BCKDHB: variants seen among roughly 807,000 people sequenced by gnomAD.
The protein encoded by BCKDHB is 2-oxoisovalerate dehydrogenase subunit beta, mitochondrial.
Under a neutral mutation model 48.5 loss-of-function variants are expected in BCKDHB, and 41 were observed. That is an observed-to-expected ratio of 0.85 (90% CI 0.66 to 1.10). The LOEUF is 1.10. Ranked by LOEUF, BCKDHB falls within the 50% of genes least tolerant of loss-of-function variation. The pLI is 0.00. For missense variants in BCKDHB, 496 were observed against 494.2 expected (o/e 1.00, Z -0.03); for synonymous variants, 201 against 174.8 (o/e 1.15, Z -1.18).
intron 8 of BCKDHB, among the ~76,000 whole-genome samples, chr6:80,229,440 A>G (rs1316899004): frequency 2.6e-5 from 4 of 152,278 alleles, no homozygotes; most frequent in African/African-American, 9.6e-5. Flanking sequence ...TGTTTGTCCT[A>G]TTGGAGGAAC....
At chr6:80,232,762 G>T (rs1337709605) in intron 8 of BCKDHB, among the ~76,000 whole-genome samples, 2 of 35,198 alleles carry the variant, frequency 5.7e-5, no homozygotes, top group African/African-American at 1.3e-4. Flanking sequence ...ATATGTTATA[G>T]ATATAACATC....
intron 3 of BCKDHB, among the ~76,000 whole-genome samples, chr6:80,148,315 T>C (rs1251624543): frequency 1.3e-5 from 2 of 152,164 alleles, no homozygotes; most frequent in Non-Finnish European, 2.9e-5. Context: ...GTGAAAGTCA[T>C]CCTTCTGCAT....
chr6:80,463,626 C>T, the BCKDHB span, among the ~76,000 whole-genome samples: 1 of 151,848 alleles, frequency 6.6e-6, no homozygotes, highest in African/African-American at 2.4e-5. Context: ...TCTGGGATTT[C>T]TTAGCCCTTG....
chr6:80,406,010 G>A, the BCKDHB span, among the ~76,000 whole-genome samples: 1 of 151,946 alleles, frequency 6.6e-6, no homozygotes, highest in East Asian at 1.9e-4. Context: ...AGGGTGTGAT[G>A]TTCCCTGCCT....
At position 80,184,669 on chromosome 6, in the gene BCKDHB, G is replaced by C. The variant is rs140856569; in HGVS notation, c.742+13279G>C. Among the ~76,000 whole-genome samples, 265 of 152,234 alleles carry C rather than the reference G, an allele frequency of 1.7e-3. 1 individual carries two copies. The highest frequency in any genetic ancestry group is 6.0e-3 in the African/African-American group (251 of 41,546). ...TTTCAGCATTTGTTTATCTGAAAAA[G>C]ACTTTATCTCTCCTCTATTTATGAA... On this transcript the variant is annotated intron_variant, in intron 6 of 9. Transcript: ENST00000320393.
chr6:80,298,682 G>A (rs114178707), intron 9 of BCKDHB, among the ~76,000 whole-genome samples: 2,331 of 152,268 alleles, frequency 0.015, 81 homozygotes, highest in African/African-American at 0.053. Context: ...TTCTCAATGT[G>A]TGGTCTCTGG....
chr6:80,348,359 C>G (rs929305880), downstream of BCKDHB, among the ~76,000 whole-genome samples: 2 of 152,156 alleles, frequency 1.3e-5, no homozygotes, highest in African/African-American at 4.8e-5. Context: ...TTCTCATCAG[C>G]TTGCCTAGAG....
intron 8 of BCKDHB, among the ~76,000 whole-genome samples, chr6:80,262,928 AT>A (rs1777365183): frequency 2.0e-5 from 3 of 152,206 alleles, no homozygotes; most frequent in Admixed American, 2.0e-4. Context: ...CAATGAAAGC[AT>A]TGCAGAATAA....
At chr6:80,423,536 C>T in the BCKDHB span, among the ~76,000 whole-genome samples, 3 of 152,156 alleles carry the variant, frequency 2.0e-5, no homozygotes, top group Admixed American at 6.5e-5. Context: ...TTGGTGGAAC[C>T]ATTTGGGTTA....
At chr6:80,119,632 A>T (rs920549521) in intron 1 of BCKDHB, among the ~76,000 whole-genome samples, 10 of 152,172 alleles carry the variant, frequency 6.6e-5, no homozygotes, top group Non-Finnish European at 1.0e-4. Flanking sequence ...CAATGTTGAC[A>T]TTTTGAAATT....
intron 1 of BCKDHB, among the ~76,000 whole-genome samples, chr6:80,121,920 G>A (rs1425454137): frequency 6.6e-6 from 1 of 152,176 alleles, no homozygotes; most frequent in Admixed American, 6.5e-5. Flanking sequence ...GGGCATCCTT[G>A]TCTCGTGCCA....
chr6:80,286,335 A>G (rs527469492), intron 9 of BCKDHB, among the ~76,000 whole-genome samples: 5 of 152,336 alleles, frequency 3.3e-5, no homozygotes, highest in Admixed American at 2.6e-4. Context: ...TGGTTAGGCT[A>G]TTTGAAGAGA....
At chr6:80,316,526 A>G (rs1411845153) in intron 9 of BCKDHB, among the ~76,000 whole-genome samples, 3 of 152,212 alleles carry the variant, frequency 2.0e-5, no homozygotes, top group Non-Finnish European at 4.4e-5. Context: ...TAACAATATT[A>G]GCAAATATGT....
intron 3 of BCKDHB, among the ~76,000 whole-genome samples, chr6:80,149,503 T>A (rs1763633963): frequency 6.6e-6 from 1 of 151,914 alleles, no homozygotes; most frequent in African/African-American, 2.4e-5. Flanking sequence ...CATGCTGCTA[T>A]AAAGACACAT....
the BCKDHB span, among the ~76,000 whole-genome samples, chr6:80,370,281 C>A: frequency 6.6e-6 from 1 of 152,128 alleles, no homozygotes; most frequent in Non-Finnish European, 1.5e-5. Context: ...CTGTCTTTCT[C>A]TTCGGAAAAA....
intron 9 of BCKDHB, among the ~76,000 whole-genome samples, chr6:80,308,597 CTT>C (rs34359456): frequency 7.9e-5 from 11 of 138,612 alleles, no homozygotes; most frequent in Non-Finnish European, 1.1e-4. Flanking sequence ...TCTTCTTCTT[CTT>C]TTTTTTTTTT....
intron 8 of BCKDHB, among the ~76,000 whole-genome samples, chr6:80,235,253 AATAGC>A (rs1385432608): frequency 6.6e-6 from 1 of 152,226 alleles, no homozygotes. Context: ...CATGTATCCA[AATAGC>A]ATATGTGCCC....
intron 6 of BCKDHB, among the ~76,000 whole-genome samples, chr6:80,197,160 C>T (rs1774168673): frequency 6.6e-6 from 1 of 152,154 alleles, no homozygotes; most frequent in South Asian, 2.1e-4. Flanking sequence ...TTCTAGAAAG[C>T]ACATAGCCGT....
intron 8 of BCKDHB, among the ~76,000 whole-genome samples, chr6:80,254,462 G>A (rs1381992820): frequency 1.3e-5 from 2 of 152,136 alleles, no homozygotes; most frequent in Non-Finnish European, 2.9e-5. Flanking sequence ...TTGAGAGGCC[G>A]AAGCAGGAGG....
Sources: gnomAD v4.1 joint callset for allele counts (sites outside exome capture counted in the v4.1 genomes callset) on GRCh38, gnomAD v4.1.1 for gene constraint, MANE v1.5 for transcripts, NCBI Gene and HGNC (gene_info 2026-07-23, HGNC 2026-07-21) for gene names.